The following EPB41 variants were observed in gnomAD, a reference collection of about 807,000 sequenced individuals.
EPB41 encodes protein 4.1.
In EPB41, 65 loss-of-function variants were observed where a neutral mutation model predicts 108.0. The ratio of observed to expected loss-of-function variants is 0.60; its 90% CI spans 0.49 to 0.74. The LOEUF is 0.74. Ranked by LOEUF, EPB41 falls within the 30% of genes least tolerant of loss-of-function variation. EPB41 has a pLI of 0.00. For synonymous variants in EPB41, 336 were observed against 358.9 expected (o/e 0.94, Z 0.72); for missense variants, 875 against 1,037.0 (o/e 0.84, Z 2.15).
intron 7 of EPB41, among the ~76,000 whole-genome samples, chr1:29,023,621 A>G (rs2096675642): frequency 6.6e-6 from 1 of 151,930 alleles, no homozygotes; most frequent in Non-Finnish European, 1.5e-5. Flanking sequence ...CGGGAGGCAG[A>G]GGTTGCAGTG....
chr1:29,047,809 G>A (rs1446284339), intron 11 of EPB41, among the ~76,000 whole-genome samples: 2 of 131,842 alleles, frequency 1.5e-5, no homozygotes, highest in Non-Finnish European at 3.2e-5. Flanking sequence ...TATTTTTGAG[G>A]TGGAGTTTCA....
At chr1:29,035,537 G>A (rs892563774) in intron 9 of EPB41, among the ~76,000 whole-genome samples, 5 of 150,592 alleles carry the variant, frequency 3.3e-5, no homozygotes, top group Non-Finnish European at 5.9e-5. Flanking sequence ...TGACTTAATT[G>A]TGTCTCAGAA....
intron 11 of EPB41, among the ~76,000 whole-genome samples, chr1:29,051,018 C>A (rs746879990): frequency 2.7e-5 from 4 of 150,834 alleles, no homozygotes; most frequent in African/African-American, 7.3e-5. Context: ...CCTATATATC[C>A]GCTAAGGAAT....
intron 16 of EPB41, among the ~76,000 whole-genome samples, chr1:29,088,416 C>T (rs1374695013): frequency 6.6e-6 from 1 of 152,144 alleles, no homozygotes; most frequent in African/African-American, 2.4e-5. Flanking sequence ...CTTTGAATCA[C>T]ATTAAGTCTC....
rs11321625 is a variant in EPB41 at position 28,915,731 on chromosome 1, C to CTTT, written c.-8+981_-8+983dup. On this transcript the variant is annotated intron_variant, in intron 1 of 20. Coordinates refer to ENST00000343067, the MANE Select transcript of EPB41 (RefSeq NM_001376013.1). Reference sequence around the variant, plus strand: ...CTTTTTCCTTTTTTTTTTTCAGATGCTTTTTTTTTTTTTTTTTTTTGTAGT... The same window carrying CTTT: ...CTTTTTCCTTTTTTTTTTTCAGATGCTTTTTTTTTTTTTTTTTTTTTTTGTAGT... 5.4e-3 allele frequency among the ~76,000 whole-genome samples: 303 copies of CTTT among 56,074 alleles called. 2 individuals carry two copies. The highest frequency in any genetic ancestry group is 7.4e-3 in the Non-Finnish European group (240 of 32,246). The allele number at this position is 56,074 out of a possible 152,430, so 36.8% of individuals were successfully genotyped here. A position where few individuals can be genotyped will look rare whatever the true frequency, so the allele number is the denominator to read the frequency against.
At chr1:28,890,877 A>G in intron 1 of EPB41, 3 of 971,622 alleles carry the variant, frequency 3.1e-6, no homozygotes, top group Non-Finnish European at 3.7e-6. Flanking sequence ...ACGGGTACTG[A>G]GGTGCCCACA....
At position 28,890,992 on chromosome 1, in the gene EPB41, G is replaced by C. The variant is rs567285894; in HGVS notation, c.-8+3782G>C. 2.7e-4 allele frequency: 269 copies of C among 985,464 alleles called. No homozygotes were observed. The African/African-American group carries it at 4.5e-3, about 17-fold the overall frequency. 61.0% of individuals were successfully genotyped at this position (985,464 alleles called of 1,614,324 possible). A position where few individuals can be genotyped will look rare whatever the true frequency, so the allele number is the denominator to read the frequency against. ...CTGGGGAACAAGCTGTGCTGCCTCTGTTGGGTGGCCCCTGGGGCCAGCATA... is the reference window on the plus strand; with the variant it reads ...CTGGGGAACAAGCTGTGCTGCCTCTCTTGGGTGGCCCCTGGGGCCAGCATA... On this transcript the variant is annotated intron_variant, in intron 1 of 16. Coordinates refer to the EPB41 transcript ENST00000347529.
chr1:29,113,623 G>T (rs1669938497), intron 19 of EPB41, among the ~76,000 whole-genome samples: 1 of 152,230 alleles, frequency 6.6e-6, no homozygotes, highest in African/African-American at 2.4e-5. Context: ...GAGTGAGACA[G>T]ACTTGGGCTG....
intron 1 of EPB41, among the ~76,000 whole-genome samples, chr1:28,925,703 G>A (rs2093408466): frequency 1.3e-5 from 2 of 152,176 alleles, no homozygotes; most frequent in Admixed American, 6.5e-5. Flanking sequence ...CATTGATCCA[G>A]CATGTTGGGT....
In EPB41 at chr1:29,030,396, A is replaced by G. The variant is rs2096773368; in HGVS notation, c.1125-4A>G. 1 of 1,613,004 alleles carries G rather than the reference A, an allele frequency of 6.2e-7. No homozygotes were observed. The highest frequency in any genetic ancestry group is 8.5e-7 in the Non-Finnish European group (1 of 1,179,098). ...AAGAATTTTATGTTTTTATTCTATC[A>G]AAGGTCCATGACTCCAGCTCAGGCT... On this transcript the variant is annotated splice_region_variant and splice_polypyrimidine_tract_variant and intron_variant, in intron 7 of 20. Transcript: ENST00000343067.
At chr1:29,044,956 C>T (rs1475825943) in intron 11 of EPB41, among the ~76,000 whole-genome samples, 1 of 152,216 alleles carries the variant, frequency 6.6e-6, no homozygotes, top group Non-Finnish European at 1.5e-5. Context: ...CATTTCTGGT[C>T]TCTCTAATCT....
intron 17 of EPB41, among the ~76,000 whole-genome samples, chr1:29,107,897 C>T (rs1164785437): frequency 2.0e-5 from 3 of 147,026 alleles, no homozygotes; most frequent in Admixed American, 6.8e-5. Flanking sequence ...GGCGTGGTGG[C>T]GCGTGCCTAT....
intron 1 of EPB41, among the ~76,000 whole-genome samples, chr1:28,941,721 C>G (rs1056929322): frequency 6.6e-6 from 1 of 151,898 alleles, no homozygotes; most frequent in African/African-American, 2.4e-5. Context: ...CATGGAGAAA[C>G]CCCGTCTCTA....
chr1:29,052,528 G>A (rs923855374), intron 11 of EPB41, among the ~76,000 whole-genome samples: 1 of 152,174 alleles, frequency 6.6e-6, no homozygotes, highest in South Asian at 2.1e-4. Flanking sequence ...TTAAAAGGGA[G>A]AGCATCTGGT....
At chr1:28,939,604 C>T (rs567386605) in intron 1 of EPB41, among the ~76,000 whole-genome samples, 5 of 152,066 alleles carry the variant, frequency 3.3e-5, no homozygotes, top group South Asian at 2.1e-4. Context: ...ACACCACGCC[C>T]GGCTAACTTT....
chr1:29,036,034 T>C (rs1224952664), intron 10 of EPB41, 111 bp downstream of exon 10: 1 of 776,784 alleles, frequency 1.3e-6, no homozygotes, highest in East Asian at 2.7e-5. Flanking sequence ...TTTATTTAGC[T>C]CAGGTGAGAT....
intron 1 of EPB41, among the ~76,000 whole-genome samples, chr1:28,907,070 CT>C (rs755604566): frequency 1.7e-3 from 236 of 140,096 alleles, no homozygotes; most frequent in African/African-American, 2.4e-3. Flanking sequence ...CATGCCTGGC[CT>C]TTTTTTTTTT....
chr1:29,058,943 A>G (rs543396932), intron 14 of EPB41, 91 bp downstream of exon 14: 1 of 1,177,780 alleles, frequency 8.5e-7, no homozygotes, highest in South Asian at 1.4e-5. Context: ...CATTCTTTTC[A>G]TTGATTTCTT....
rs1159682043 is a variant in EPB41, at chr1:29,015,585, A to AG, written c.830-107_830-106insG. The AG allele has an allele frequency of 1.7e-5, 14 of 817,552 alleles. No homozygotes were observed. In the East Asian group the frequency reaches 3.7e-4, roughly 22 times the overall value. 50.6% of individuals were successfully genotyped at this position (817,552 alleles called of 1,614,324 possible). On this transcript the variant is annotated intron_variant, in intron 5 of 20. Coordinates refer to ENST00000343067, the MANE Select transcript of EPB41 (RefSeq NM_001376013.1). The stretch of plus-strand genomic sequence containing the variant: ...GTGAGACTCCGTCTCAAAGAAAAAA[A>AG]AAAAAGAAAGAAAAAGAAAAAGAGA...
Sources: allele counts gnomAD v4.1 joint callset (sites outside exome capture counted in the v4.1 genomes callset), GRCh38; gene constraint gnomAD v4.1.1; transcripts MANE v1.5; gene names NCBI Gene and HGNC (gene_info 2026-07-23, HGNC 2026-07-21).